Variants in PPM1H observed in about 807,000 individuals in gnomAD.
PPM1H encodes protein phosphatase 1H.
PPM1H carries 27 observed loss-of-function variants against 54.9 expected under a neutral mutation model. The observed-to-expected ratio is 0.49, with a 90% confidence interval of 0.36 to 0.68. The LOEUF (loss-of-function observed/expected upper bound fraction) is 0.68, where lower values mean the gene tolerates loss of function less well. PPM1H is among the 30% of genes least tolerant of loss of function. The pLI, the probability that PPM1H is intolerant of heterozygous loss-of-function variation, is 0.00. For missense variants in PPM1H, 596 were observed against 667.8 expected (o/e 0.89, Z 1.19); for synonymous variants, 305 against 270.8 (o/e 1.13, Z -1.24).
At chr12:62,793,993 G>C (rs1226671645) in intron 3 of PPM1H, among the ~76,000 whole-genome samples, 5 of 151,944 alleles carry the variant, frequency 3.3e-5, no homozygotes, top group Non-Finnish European at 7.3e-5. Context: ...CCCCCTAGCT[G>C]AGTTAAAACA....
intron 4 of PPM1H, among the ~76,000 whole-genome samples, chr12:62,750,848 T>G (rs1377124561): frequency 1.3e-5 from 2 of 152,238 alleles, no homozygotes; most frequent in Non-Finnish European, 2.9e-5. Flanking sequence ...AAGTTTTGCC[T>G]GCATGTTTAG....
Position 62,877,002 on chromosome 12 carries a change from C to T in PPM1H, c.246-44723G>A, listed in dbSNP as rs1331746321. Among the ~76,000 whole-genome samples the T allele has an allele frequency of 3.3e-5, 5 of 152,306 alleles. 1 individual carries two copies. In the South Asian group the frequency reaches 8.3e-4, roughly 25 times the overall value. On this transcript the variant is annotated intron_variant, in intron 1 of 9. Transcript: ENST00000228705. Reference sequence around the variant, plus strand: ...CCCATCTTACGTACAAGTTTCAGTTCTTTCTGCCCCTACAAACACACTGTT... The same window carrying T: ...CCCATCTTACGTACAAGTTTCAGTTTTTTCTGCCCCTACAAACACACTGTT...
At position 62,903,621 on chromosome 12, in the gene PPM1H, G is replaced by A. The variant is rs564751881; in HGVS notation, c.245+30871C>T. 4.6e-5 allele frequency among the ~76,000 whole-genome samples: 7 copies of A among 152,088 alleles called. No homozygotes were observed. In the East Asian group the frequency reaches 9.7e-4, roughly 21 times the overall value. Reference sequence around the variant, plus strand: ...AAATCATGGAAAATATCCACCCACCGCCAATTCCTTCAATGGCAGAAAACA... The same window carrying A: ...AAATCATGGAAAATATCCACCCACCACCAATTCCTTCAATGGCAGAAAACA... On this transcript the variant is annotated intron_variant, in intron 1 of 9. Coordinates refer to ENST00000228705, the MANE Select transcript of PPM1H (RefSeq NM_020700.2).
chr12:62,741,176 A>T (rs924783029), intron 4 of PPM1H, among the ~76,000 whole-genome samples: 1 of 152,068 alleles, frequency 6.6e-6, no homozygotes. Flanking sequence ...ACAGGCAGCC[A>T]TTCTAGACTC....
At chr12:62,933,441 A>C (rs2120370060) in intron 1 of PPM1H, among the ~76,000 whole-genome samples, 1 of 152,108 alleles carries the variant, frequency 6.6e-6, no homozygotes, top group East Asian at 1.9e-4. Context: ...CCAATCAACC[A>C]GCGAGGCCGT....
chr12:62,683,967 G>A (rs940004126), intron 8 of PPM1H, among the ~76,000 whole-genome samples: 4 of 152,214 alleles, frequency 2.6e-5, no homozygotes, highest in Non-Finnish European at 5.9e-5. Context: ...GACTGGGACT[G>A]GGAGAATTGC....
rs112174945 is a variant in PPM1H at position 62,888,589 on chromosome 12, G to C, written c.245+45903C>G. On this transcript the variant is annotated intron_variant, in intron 1 of 9. Coordinates refer to ENST00000228705, the MANE Select transcript of PPM1H (RefSeq NM_020700.2). ...AAGAAAAGGGTGTTTCAAGGAGGAA[G>C]TGGGCCATGGAGCTATAATACTGCT... Among the ~76,000 whole-genome samples the C allele has an allele frequency of 4.0e-3, 609 of 152,308 alleles. 4 individuals are homozygous for C. The highest frequency in any genetic ancestry group is 0.014 in the African/African-American group (569 of 41,562).
Position 62,648,589 on chromosome 12 carries a change from A to G in PPM1H, c.1445T>C (p.Leu482Pro), listed in dbSNP as rs1331287054. 6.2e-7 allele frequency: 1 copy of G among 1,613,926 alleles called. No homozygotes were observed. Among genetic ancestry groups the G allele is most frequent in the East Asian group, 2.2e-5 (1 of 44,882 alleles). The part of the protein sequence containing the change: ...QDLVMRARGV[L>P]KDRGWRISND... ...AGATATCCGCCATCCTCTGTCCTTCAGCACACCCCGGGCACGCATCACCAG... is the reference window on the plus strand; with the variant it reads ...AGATATCCGCCATCCTCTGTCCTTCGGCACACCCCGGGCACGCATCACCAG... The change falls in exon 10 of 10, where the codon CTG (leucine) becomes CCG (proline). Residue 482 changes from leucine (L) to proline (P), a missense_variant. Leu to Pro is a moderately conservative substitution (Grantham distance 98). Around this residue, in one of 3 missense-constraint regions of PPM1H, gnomAD observed 208 missense variants for 259.5 expected, o/e 0.80. Transcript: ENST00000228705.
At chr12:62,876,641 C>T (rs961438380) in intron 1 of PPM1H, among the ~76,000 whole-genome samples, 28 of 152,282 alleles carry the variant, frequency 1.8e-4, no homozygotes, top group Admixed American at 1.1e-3. Flanking sequence ...GTCCCCAGGA[C>T]GTAGAACTGG....
intron 5 of PPM1H, among the ~76,000 whole-genome samples, chr12:62,730,506 C>T (rs777518811): frequency 2.6e-5 from 4 of 152,136 alleles, no homozygotes; most frequent in Non-Finnish European, 4.4e-5. Context: ...GCAGATTCCA[C>T]GACAGAAAAT....
At chr12:62,874,954 C>T (rs1027532707) in intron 1 of PPM1H, among the ~76,000 whole-genome samples, 3 of 152,186 alleles carry the variant, frequency 2.0e-5, no homozygotes, top group East Asian at 1.9e-4. Flanking sequence ...AGGAGAGAGT[C>T]GCAAAACTCA....
intron 8 of PPM1H, among the ~76,000 whole-genome samples, chr12:62,668,214 G>A (rs1040550952): frequency 6.6e-6 from 1 of 152,208 alleles, no homozygotes; most frequent in Non-Finnish European, 1.5e-5. Context: ...ACTTCAATGT[G>A]GGAGGGGAGG....
At chr12:62,897,812 G>C (rs1436682790) in intron 1 of PPM1H, among the ~76,000 whole-genome samples, 1 of 152,186 alleles carries the variant, frequency 6.6e-6, no homozygotes, top group Non-Finnish European at 1.5e-5. Context: ...CAAGAGAGCA[G>C]TGAATTCTCG....
chr12:62,764,799 C>T (rs946890450), intron 4 of PPM1H, among the ~76,000 whole-genome samples: 1 of 152,118 alleles, frequency 6.6e-6, no homozygotes, highest in Non-Finnish European at 1.5e-5. Context: ...TACAGTGAGG[C>T]TGAGGCTGAA....
intron 8 of PPM1H, among the ~76,000 whole-genome samples, chr12:62,681,335 T>C (rs2076017905): frequency 6.6e-6 from 1 of 152,224 alleles, no homozygotes; most frequent in Non-Finnish European, 1.5e-5. Context: ...GTCTGCCTCA[T>C]TATGCCACCT....
At chr12:62,778,834 C>G (rs2076625449) in intron 4 of PPM1H, among the ~76,000 whole-genome samples, 1 of 151,854 alleles carries the variant, frequency 6.6e-6, no homozygotes, top group Non-Finnish European at 1.5e-5. Flanking sequence ...AGGAGGCTGA[C>G]ATGGGAAGAT....
At chr12:62,891,715 G>T (rs1250664612) in intron 1 of PPM1H, among the ~76,000 whole-genome samples, 2 of 152,188 alleles carry the variant, frequency 1.3e-5, no homozygotes, top group African/African-American at 4.8e-5. Context: ...GTGACTAAAA[G>T]TGCCACAAGG....
intron 1 of PPM1H, among the ~76,000 whole-genome samples, chr12:62,860,673 A>G (rs1385402182): frequency 2.0e-5 from 3 of 152,214 alleles, no homozygotes; most frequent in African/African-American, 7.2e-5. Flanking sequence ...CCTACAACTC[A>G]GTGTTGAAAG....
intron 2 of PPM1H, among the ~76,000 whole-genome samples, chr12:62,810,491 C>A (rs2076828948): frequency 6.6e-6 from 1 of 152,198 alleles, no homozygotes; most frequent in East Asian, 1.9e-4. Flanking sequence ...CCAATCTCTT[C>A]TGAGCTAGGG....
Sources: allele counts gnomAD v4.1 joint callset (sites outside exome capture counted in the v4.1 genomes callset), GRCh38; gene constraint gnomAD v4.1.1; regional missense constraint gnomAD v4.1.1; transcripts MANE v1.5; gene names NCBI Gene and HGNC (gene_info 2026-07-23, HGNC 2026-07-21).